SUMF1: variants seen among roughly 807,000 people sequenced by gnomAD.
The protein encoded by SUMF1 is formylglycine-generating enzyme.
SUMF1 carries 48 observed loss-of-function variants against 47.6 expected under a neutral mutation model. The ratio of observed to expected loss-of-function variants is 1.01; its 90% CI spans 0.80 to 1.28. The LOEUF is 1.28. Ranked by LOEUF, SUMF1 falls within the 50% of genes most tolerant of loss-of-function variation. The pLI, the probability that SUMF1 is intolerant of heterozygous loss-of-function variation, is 0.00. For missense variants in SUMF1, 571 were observed against 485.4 expected (o/e 1.18, Z -1.66); for synonymous variants, 230 against 192.1 (o/e 1.20, Z -1.63).
Position 4,055,146 on chromosome 3 carries a change from C to G in SUMF1, c.1191+13423G>C, listed in dbSNP as rs74624028. ...TGACACTCATCTGAATTAATGCATA[C>G]AGTGAAAAGGCGTTAAGAATAGTTG... On this transcript the variant is annotated intron_variant and NMD_transcript_variant, in intron 9 of 12. Transcript: ENST00000448413. Among the ~76,000 whole-genome samples, 704 of 152,058 alleles carry G rather than the reference C, an allele frequency of 4.6e-3. 4 individuals are homozygous for G. Among genetic ancestry groups the G allele is most frequent in the Non-Finnish European group, 7.9e-3 (537 of 67,986 alleles).
intron 1 of SUMF1, among the ~76,000 whole-genome samples, chr3:4,456,209 A>C (rs1703155983): frequency 6.6e-6 from 1 of 152,214 alleles, no homozygotes; most frequent in African/African-American, 2.4e-5. Context: ...GCATTGAAGG[A>C]ATGTACCTTA....
chr3:4,268,907 C>CAT (rs761773753), intron 8 of SUMF1, among the ~76,000 whole-genome samples: 20 of 151,720 alleles, frequency 1.3e-4, no homozygotes, highest in Non-Finnish European at 2.1e-4. Flanking sequence ...TGTATATATA[C>CAT]ATATATATAT....
chr3:4,223,013 G>A (rs1696099155), intron 8 of SUMF1, among the ~76,000 whole-genome samples: 1 of 152,106 alleles, frequency 6.6e-6, no homozygotes, highest in African/African-American at 2.4e-5. Context: ...GTGTGGTAAA[G>A]GGGAAACTTC....
At chr3:4,155,228 C>CA (rs1193857901) in intron 8 of SUMF1, among the ~76,000 whole-genome samples, 1 of 151,400 alleles carries the variant, frequency 6.6e-6, no homozygotes, top group Non-Finnish European at 1.5e-5. Context: ...TGCTTAGGTT[C>CA]ATGTGCAGAG....
At chr3:4,126,894 C>A (rs1384279993) in intron 8 of SUMF1, among the ~76,000 whole-genome samples, 1 of 152,106 alleles carries the variant, frequency 6.6e-6, no homozygotes, top group Non-Finnish European at 1.5e-5. Context: ...AAACTTAAAT[C>A]TCTAATATTC....
At chr3:4,202,390 C>G (rs1695559222) in intron 8 of SUMF1, among the ~76,000 whole-genome samples, 1 of 151,854 alleles carries the variant, frequency 6.6e-6, no homozygotes, top group South Asian at 2.1e-4. Flanking sequence ...TTCTTGGCAC[C>G]TCTGTCAAAA....
At chr3:4,136,738 T>G (rs1045109712) in intron 8 of SUMF1, among the ~76,000 whole-genome samples, 5 of 149,882 alleles carry the variant, frequency 3.3e-5, no homozygotes, top group African/African-American at 2.5e-5. Flanking sequence ...AAAGGGCTAA[T>G]ATCCAGAATC....
At chr3:4,195,357 G>T (rs1243745919) in intron 8 of SUMF1, among the ~76,000 whole-genome samples, 1 of 152,042 alleles carries the variant, frequency 6.6e-6, no homozygotes, top group East Asian at 1.9e-4. Context: ...CAAGGGAAGA[G>T]CAATAAAATC....
rs141736408 is a variant in SUMF1 at position 4,079,563 on chromosome 3, C to A, written c.1015-10818G>T. ...TTGCTTCACTGTTTGCTGATAGAAA[C>A]TTGCTTAAGTTTGCACTAAATCTAT... On this transcript the variant is annotated intron_variant and NMD_transcript_variant, in intron 8 of 12. Coordinates refer to the SUMF1 transcript ENST00000448413. Among the ~76,000 whole-genome samples, 421 of 151,930 alleles carry A rather than the reference C, an allele frequency of 2.8e-3. 4 individuals carry two copies. The highest frequency in any genetic ancestry group is 9.5e-3 in the African/African-American group (393 of 41,370).
intron 7 of SUMF1, among the ~76,000 whole-genome samples, chr3:4,395,222 A>C (rs1701003085): frequency 6.6e-6 from 1 of 152,194 alleles, no homozygotes; most frequent in Non-Finnish European, 1.5e-5. Context: ...CTGCAGGCTT[A>C]TCTCACCCCC....
chr3:4,140,545 A>G (rs1293216854), intron 8 of SUMF1, among the ~76,000 whole-genome samples: 3 of 152,028 alleles, frequency 2.0e-5, no homozygotes, highest in Admixed American at 1.3e-4. Context: ...CTGCTGAAAT[A>G]AAGAGGAAAC....
At chr3:4,385,181 C>T (rs887834399) in intron 7 of SUMF1, among the ~76,000 whole-genome samples, 8 of 152,138 alleles carry the variant, frequency 5.3e-5, no homozygotes, top group African/African-American at 1.9e-4. Flanking sequence ...CCGCTGTGCC[C>T]AGCTGAATGT....
At chr3:4,380,449 C>A (rs1034819686) in intron 7 of SUMF1, among the ~76,000 whole-genome samples, 2 of 152,036 alleles carry the variant, frequency 1.3e-5, no homozygotes, top group African/African-American at 2.4e-5. Flanking sequence ...GAGAAGGATG[C>A]GGACTGAAAA....
intron 7 of SUMF1, among the ~76,000 whole-genome samples, chr3:4,405,042 C>A (rs1701332142): frequency 6.6e-6 from 1 of 152,182 alleles, no homozygotes; most frequent in African/African-American, 2.4e-5. Flanking sequence ...AAGTAACAGT[C>A]TCATGTTTCT....
chr3:4,418,658 T>A (rs1359341820), intron 4 of SUMF1, among the ~76,000 whole-genome samples: 1 of 152,248 alleles, frequency 6.6e-6, no homozygotes, highest in Non-Finnish European at 1.5e-5. Flanking sequence ...TGCCCAGTCC[T>A]GCTCTGGCCC....
intron 3 of SUMF1, among the ~76,000 whole-genome samples, chr3:4,420,828 G>A (rs1361634770): frequency 2.6e-5 from 4 of 152,256 alleles, no homozygotes; most frequent in East Asian, 3.9e-4. Flanking sequence ...GAGGCTAAAG[G>A]TCAACCATGG....
At chr3:4,165,078 C>T (rs1163081848) in intron 8 of SUMF1, among the ~76,000 whole-genome samples, 1 of 152,140 alleles carries the variant, frequency 6.6e-6, no homozygotes, top group South Asian at 2.1e-4. Context: ...GAACAGCTTG[C>T]TCACTGGTAG....
intron 8 of SUMF1, among the ~76,000 whole-genome samples, chr3:4,229,088 C>A (rs1696239913): frequency 6.6e-6 from 1 of 152,094 alleles, no homozygotes; most frequent in Non-Finnish European, 1.5e-5. Flanking sequence ...CGGCAACTAG[C>A]CTCCAGGAAT....
intron 9 of SUMF1, among the ~76,000 whole-genome samples, chr3:4,042,897 C>A (rs1341955260): frequency 6.6e-6 from 1 of 152,072 alleles, no homozygotes; most frequent in Non-Finnish European, 1.5e-5. Flanking sequence ...AGTGCCCTTG[C>A]ATCCCATCAC....
Sources: gnomAD v4.1 joint callset for allele counts (sites outside exome capture counted in the v4.1 genomes callset) on GRCh38, gnomAD v4.1.1 for gene constraint, MANE v1.5 for transcripts, NCBI Gene and HGNC (gene_info 2026-07-23, HGNC 2026-07-21) for gene names.